The following ATP9A variants were observed in gnomAD, a reference collection of about 807,000 sequenced individuals.
ATP9A encodes the protein probable phospholipid-transporting ATPase IIA.
In ATP9A, 52 loss-of-function variants were observed where a neutral mutation model predicts 144.1. The observed-to-expected ratio is 0.36, with a 90% CI of 0.29 to 0.45. ATP9A has a LOEUF of 0.45. Ranked by LOEUF, ATP9A falls within the 20% of genes least tolerant of loss-of-function variation. ATP9A has a pLI of 1.00. For missense variants in ATP9A, 947 were observed against 1,392.7 expected (o/e 0.68, Z 5.09); for synonymous variants, 582 against 557.4 (o/e 1.04, Z -0.62).
At chr20:51,605,732 G>A (rs1157718305) in intron 26 of ATP9A, among the ~76,000 whole-genome samples, 1 of 152,054 alleles carries the variant, frequency 6.6e-6, no homozygotes, top group East Asian at 1.9e-4. Flanking sequence ...AGCCACCATG[G>A]CGAAACCCTG....
intron 9 of ATP9A, among the ~76,000 whole-genome samples, chr20:51,686,645 A>C (rs2077524351): frequency 6.6e-6 from 1 of 152,194 alleles, no homozygotes; most frequent in Non-Finnish European, 1.5e-5. Context: ...ATCAAAATTA[A>C]AACAGTAGGC....
Position 51,674,151 on chromosome 20 carries a change from A to T in ATP9A, c.1037+2T>A. 1 of 1,613,702 alleles carries T rather than the reference A, an allele frequency of 6.2e-7. No homozygotes were observed. On this transcript the variant is annotated splice_donor_variant, in intron 11 of 27. Coordinates refer to ENST00000338821, the MANE Select transcript of ATP9A (RefSeq NM_006045.3). LOFTEE classifies it high-confidence loss of function. Reference sequence around the variant, plus strand: ...CCAAACTCAAGCTCGTCGCCTGCTTACCTAATGGGGATGATGTTGGAAAAC... The same window carrying T: ...CCAAACTCAAGCTCGTCGCCTGCTTTCCTAATGGGGATGATGTTGGAAAAC...
At chr20:51,763,940 C>G (rs1045447239) in intron 1 of ATP9A, among the ~76,000 whole-genome samples, 1 of 152,108 alleles carries the variant, frequency 6.6e-6, no homozygotes, top group African/African-American at 2.4e-5. Context: ...TAAATTTGAT[C>G]AGGAAAAAGC....
Position 51,699,366 on chromosome 20 carries a change from C to T in ATP9A, c.437-1884G>A, listed in dbSNP as rs1039843861. ...AAAAAAAAAAAAAAGAACTTAAAGA[C>T]TTAAAGACACGAAATAATATAAGTG... On this transcript the variant is annotated intron_variant, in intron 4 of 27. Transcript: ENST00000338821. Among the ~76,000 whole-genome samples, 40 of 144,590 alleles carry T rather than the reference C, an allele frequency of 2.8e-4. 1 individual carries two copies. Among genetic ancestry groups the T allele is most frequent in the Admixed American group, 2.3e-3 (33 of 14,544 alleles). 94.9% of individuals were successfully genotyped at this position (144,590 alleles called of 152,430 possible). A position where few individuals can be genotyped will look rare whatever the true frequency, so the allele number is the denominator to read the frequency against.
intron 1 of ATP9A, among the ~76,000 whole-genome samples, chr20:51,762,687 T>G (rs1302789514): frequency 2.1e-5 from 3 of 142,616 alleles, no homozygotes; most frequent in Non-Finnish European, 4.5e-5. Flanking sequence ...AGATTTAAGG[T>G]GATATATCCA....
chr20:51,716,321 G>T (rs1188823814), intron 3 of ATP9A, among the ~76,000 whole-genome samples: 1 of 152,120 alleles, frequency 6.6e-6, no homozygotes, highest in African/African-American at 2.4e-5. Flanking sequence ...ACATGGCTGG[G>T]TGTGGTGGCT....
intron 1 of ATP9A, among the ~76,000 whole-genome samples, chr20:51,749,185 A>G (rs1016844614): frequency 6.6e-5 from 10 of 152,060 alleles, no homozygotes; most frequent in Admixed American, 5.2e-4. Flanking sequence ...CACAGCCCCC[A>G]CATCTCAAAT....
At chr20:51,684,749 G>A (rs1319531009) in intron 9 of ATP9A, among the ~76,000 whole-genome samples, 1 of 149,564 alleles carries the variant, frequency 6.7e-6, no homozygotes, top group East Asian at 2.0e-4. Flanking sequence ...GGTGGCTCAC[G>A]CCTGTAATCC....
At chr20:51,602,651 T>C (rs1368049460) in intron 27 of ATP9A, among the ~76,000 whole-genome samples, 1 of 152,214 alleles carries the variant, frequency 6.6e-6, no homozygotes, top group Non-Finnish European at 1.5e-5. Context: ...AACCTTTACT[T>C]TTCAGGGGAT....
chr20:51,711,635 G>A (rs1259505984), intron 4 of ATP9A, among the ~76,000 whole-genome samples: 2 of 152,058 alleles, frequency 1.3e-5, no homozygotes, highest in South Asian at 2.1e-4. Flanking sequence ...GCAAACTTTA[G>A]GTAACATTCT....
intron 17 of ATP9A, 57 bp from the exon 18 acceptor site, chr20:51,625,419 T>G: frequency 6.4e-7 from 1 of 1,555,288 alleles, no homozygotes; most frequent in Non-Finnish European, 8.7e-7. Context: ...CCAGGCTGAC[T>G]GGCCAGTGCC....
intron 1 of ATP9A, among the ~76,000 whole-genome samples, chr20:51,733,121 G>C (rs1170632457): frequency 6.6e-6 from 1 of 152,136 alleles, no homozygotes; most frequent in Non-Finnish European, 1.5e-5. Flanking sequence ...TCCGGTTACA[G>C]TTATGCTATT....
intron 23 of ATP9A, 92 bp from the exon 24 acceptor site, chr20:51,610,257 A>C: frequency 3.9e-6 from 4 of 1,021,698 alleles, no homozygotes; most frequent in Non-Finnish European, 6.0e-6. Flanking sequence ...CTTACATAAC[A>C]CCCGCGCCGG....
chr20:51,637,386 C>A (rs1290078506), intron 15 of ATP9A, among the ~76,000 whole-genome samples: 1 of 150,456 alleles, frequency 6.6e-6, no homozygotes, highest in Non-Finnish European at 1.5e-5. Context: ...GTGAGTCTAC[C>A]GTGTGCCAGG....
At chr20:51,745,063 CAGG>C (rs1254581613) in intron 1 of ATP9A, among the ~76,000 whole-genome samples, 1 of 151,966 alleles carries the variant, frequency 6.6e-6, no homozygotes, top group African/African-American at 2.4e-5. Context: ...ATCAAGAGGT[CAGG>C]AGATCAAGAC....
intron 4 of ATP9A, among the ~76,000 whole-genome samples, chr20:51,701,173 T>C (rs182555164): frequency 2.1e-4 from 32 of 152,308 alleles, no homozygotes; most frequent in African/African-American, 7.5e-4. Context: ...ATCTTCAAGC[T>C]CTAGTTACAG....
intron 1 of ATP9A, among the ~76,000 whole-genome samples, chr20:51,757,916 G>A (rs1043089536): frequency 3.3e-5 from 5 of 151,894 alleles, no homozygotes; most frequent in Non-Finnish European, 7.4e-5. Context: ...AAAAAAAAAG[G>A]TTTTAAATGT....
rs781681734 is a variant in ATP9A, at chr20:51,670,092, C to T, written c.1198G>A (p.Glu400Lys). 14 of 1,614,032 alleles carry T rather than the reference C, an allele frequency of 8.7e-6. No individual in the cohort carries two copies. Among genetic ancestry groups the T allele is most frequent in the East Asian group, 2.2e-5 (1 of 44,898 alleles). Residue 400 changes from glutamate (E) to lysine (K), a missense_variant, in exon 13 of 28, where the codon GAG becomes AAG. By Grantham distance (56) the Glu-to-Lys change is moderately conservative. Transcript: ENST00000338821. ...TDKTGTLTQN[E>K]MIFKRLHLGT... is the part of the protein sequence containing the mutation. Reference sequence around the variant, plus strand: ...AGATGGAGCCGTTTGAAAATCATCTCGTTCTGGGTAAGAGTGCCTAAAACA... The same window carrying T: ...AGATGGAGCCGTTTGAAAATCATCTTGTTCTGGGTAAGAGTGCCTAAAACA...
intron 9 of ATP9A, among the ~76,000 whole-genome samples, chr20:51,678,088 TGA>T (rs2077484550): frequency 7.6e-6 from 1 of 131,906 alleles, no homozygotes; most frequent in Non-Finnish European, 1.5e-5. Flanking sequence ...GGCGCTAGGC[TGA>T]AAGTCAAGTC....
Sources: allele counts gnomAD v4.1 joint callset (sites outside exome capture counted in the v4.1 genomes callset), GRCh38; gene constraint gnomAD v4.1.1; transcripts MANE v1.5; gene names NCBI Gene and HGNC (gene_info 2026-07-23, HGNC 2026-07-21).